The following SMG6 variants were observed in gnomAD, a reference collection of about 807,000 sequenced individuals.
The protein encoded by SMG6 is telomerase-binding protein EST1A.
SMG6 carries 66 observed loss-of-function variants against 142.2 expected under a neutral mutation model. The observed-to-expected ratio is 0.46, with a 90% CI of 0.38 to 0.57. The LOEUF (loss-of-function observed/expected upper bound fraction) is 0.57, where lower values mean the gene tolerates loss of function less well. Among genes scored for constraint, SMG6 ranks in the 20% least tolerant of loss-of-function variants. The pLI is 0.00. For synonymous variants in SMG6, 779 were observed against 702.4 expected, an observed-to-expected ratio of 1.11 and a Z score of -1.72; for missense variants, 1,793 against 1,832.0, an observed-to-expected ratio of 0.98 and a Z score of 0.39.
intron 4 of SMG6, 47 bp downstream of exon 4, chr17:2,297,196 C>T (rs1017795322): frequency 2.9e-6 from 4 of 1,393,026 alleles, no homozygotes; most frequent in Non-Finnish European, 4.0e-6. Flanking sequence ...TAGATAAACG[C>T]TTACGAAATG....
At chr17:2,255,470 G>A (rs2074151275) in intron 8 of SMG6, among the ~76,000 whole-genome samples, 1 of 150,294 alleles carries the variant, frequency 6.7e-6, no homozygotes, top group Non-Finnish European at 1.5e-5. Context: ...GTTTTCAGCA[G>A]GGAAGTGACA....
chr17:2,303,212 A>G (rs1462291408), intron 1 of SMG6: 2 of 985,384 alleles, frequency 2.0e-6, no homozygotes, highest in East Asian at 2.3e-4. Context: ...TTTCTCCCCA[A>G]TTCCTTCTCT....
chr17:2,159,891 G>A (rs2071121516), intron 13 of SMG6, among the ~76,000 whole-genome samples: 1 of 152,170 alleles, frequency 6.6e-6, no homozygotes, highest in South Asian at 2.1e-4. Context: ...GTTATGCTGA[G>A]TGACAAAACA....
chr17:2,302,528 T>A (rs992107436), intron 1 of SMG6, among the ~76,000 whole-genome samples: 3 of 152,202 alleles, frequency 2.0e-5, no homozygotes, highest in East Asian at 1.9e-4. Context: ...GCGACAGAGC[T>A]AGACTCCGTC....
At chr17:2,167,551 G>A (rs2071379541) in intron 13 of SMG6, among the ~76,000 whole-genome samples, 1 of 152,124 alleles carries the variant, frequency 6.6e-6, no homozygotes, top group African/African-American at 2.4e-5. Flanking sequence ...CGCCTTCACC[G>A]GGGTATTACC....
intron 12 of SMG6, among the ~76,000 whole-genome samples, chr17:2,185,170 A>G (rs1235349696): frequency 6.6e-6 from 1 of 152,076 alleles, no homozygotes; most frequent in African/African-American, 2.4e-5. Context: ...AGATAACAAC[A>G]CACGTGGCCA....
chr17:2,227,799 C>T (rs961821471), intron 10 of SMG6, among the ~76,000 whole-genome samples: 10 of 152,270 alleles, frequency 6.6e-5, no homozygotes, highest in African/African-American at 2.2e-4. Context: ...GTACCAATAA[C>T]TGCAGTAACC....
chr17:2,110,621 G>A (rs2069287830), intron 13 of SMG6, among the ~76,000 whole-genome samples: 1 of 152,154 alleles, frequency 6.6e-6, no homozygotes, highest in Admixed American at 6.6e-5. Flanking sequence ...AAGGAAAGCA[G>A]ACGGAAGAAA....
At chr17:2,208,540 G>A (rs147439273) in intron 10 of SMG6, among the ~76,000 whole-genome samples, 285 of 152,234 alleles carry the variant, frequency 1.9e-3, no homozygotes, top group African/African-American at 6.5e-3. Context: ...TGATCTGAAC[G>A]GTACTTCACA....
At chr17:2,149,625 G>A (rs2070769420) in intron 13 of SMG6, among the ~76,000 whole-genome samples, 1 of 152,138 alleles carries the variant, frequency 6.6e-6, no homozygotes. Flanking sequence ...AGGGCTTGTA[G>A]GCACTCCTTG....
rs1567766516 is a variant in SMG6, at chr17:2,300,678, G to C, written c.89-14C>G. 1 of 1,553,370 alleles carries C rather than the reference G, an allele frequency of 6.4e-7. No homozygotes were observed. The highest frequency in any genetic ancestry group is 8.7e-7 in the Non-Finnish European group (1 of 1,154,294). ...CCTTCATGTTTTCTGTTATGTCGGG[G>C]AAAGAGTTTGGGAGGGAAAGGTAGA... On this transcript the variant is annotated splice_polypyrimidine_tract_variant and intron_variant, in intron 1 of 18. Transcript: ENST00000263073.
intron 10 of SMG6, among the ~76,000 whole-genome samples, chr17:2,224,921 A>T (rs1244201644): frequency 1.3e-5 from 2 of 152,212 alleles, no homozygotes; most frequent in Admixed American, 1.3e-4. Flanking sequence ...CAGATAGCTG[A>T]CTTTAATCAA....
At chr17:2,287,083 C>T (rs2074924291) in intron 6 of SMG6, among the ~76,000 whole-genome samples, 1 of 152,104 alleles carries the variant, frequency 6.6e-6, no homozygotes, top group South Asian at 2.1e-4. Context: ...AGGCGCCTGC[C>T]ACTGCGCCTG....
rs1246475011 is a variant in SMG6 at position 2,230,204 on chromosome 17, AAAAAAAAAAAAAAAAAAG to A, written c.2869+6270_2869+6287del. Among the ~76,000 whole-genome samples the A allele has an allele frequency of 6.0e-3, 705 of 117,622 alleles. 28 individuals are homozygous for A. The highest frequency in any genetic ancestry group is 9.4e-3 in the Non-Finnish European group (564 of 60,194). The allele number at this position is 117,622 out of a possible 152,430, so 77.2% of individuals were successfully genotyped here. On this transcript the variant is annotated intron_variant, in intron 10 of 18. Transcript: ENST00000263073. ...CCGTCTCCAAAAAAAAAAAAAAAAA[AAAAAAAAAAAAAAAAAAG>A]GAAAAGAAAGGAAAAGAAAAGTGTC...
intron 18 of SMG6, chr17:2,061,947 C>T (rs2151377590): frequency 4.5e-6 from 1 of 223,564 alleles, no homozygotes; most frequent in South Asian, 7.2e-5. Flanking sequence ...GACCTCTACT[C>T]CTTTTTACCA....
chr17:2,139,525 G>A (rs548212967), intron 13 of SMG6, among the ~76,000 whole-genome samples: 2 of 150,664 alleles, frequency 1.3e-5, no homozygotes, highest in South Asian at 2.1e-4. Context: ...GGCATCAAGC[G>A]ATTCTCCAGC....
chr17:2,092,844 T>TA (rs2068760850), intron 13 of SMG6, among the ~76,000 whole-genome samples: 2 of 152,346 alleles, frequency 1.3e-5, no homozygotes, highest in African/African-American at 2.4e-5. Flanking sequence ...TGTTTATCCT[T>TA]AGACAAGTTA....
At chr17:2,150,034 G>GC (rs1385073710) in intron 13 of SMG6, among the ~76,000 whole-genome samples, 1 of 152,200 alleles carries the variant, frequency 6.6e-6, no homozygotes, top group Non-Finnish European at 1.5e-5. Context: ...AGGGGTCCCA[G>GC]CCCCCGGGGT....
chr17:2,136,886 T>A (rs1223255404), intron 13 of SMG6, among the ~76,000 whole-genome samples: 1 of 152,170 alleles, frequency 6.6e-6, no homozygotes, highest in African/African-American at 2.4e-5. Context: ...AGGTCAGGCA[T>A]GATGGCTCAC....
Sources: gnomAD v4.1 joint callset for allele counts (sites outside exome capture counted in the v4.1 genomes callset) on GRCh38, gnomAD v4.1.1 for gene constraint, MANE v1.5 for transcripts, NCBI Gene and HGNC (gene_info 2026-07-23, HGNC 2026-07-21) for gene names.